Variants in VKORC1L1 observed in about 807,000 individuals in gnomAD.
The protein encoded by VKORC1L1 is vitamin K epoxide reductase complex subunit 1-like protein 1.
VKORC1L1 carries 2 observed loss-of-function variants against 18.9 expected under a neutral mutation model. The observed-to-expected ratio is 0.11, with a 90% CI of 0.04 to 0.33. The LOEUF (loss-of-function observed/expected upper bound fraction) is 0.33, where lower values mean the gene tolerates loss of function less well. VKORC1L1 is among the 10% of genes least tolerant of loss of function. The pLI, the probability that VKORC1L1 is intolerant of heterozygous loss-of-function variation, is 1.00. For missense variants in VKORC1L1, 123 were observed against 224.1 expected, an observed-to-expected ratio of 0.55 and a Z score of 2.88; for synonymous variants, 96 against 100.0, an observed-to-expected ratio of 0.96 and a Z score of 0.24.
rs1369595731 is a variant in VKORC1L1, at chr7:65,956,857, CA to C, written c.*2558del. The C allele has an allele frequency of 1.3e-5, 2 of 152,332 alleles. No homozygotes were observed. The highest frequency in any genetic ancestry group is 2.9e-5 in the Non-Finnish European group (2 of 68,028). The allele number at this position is 152,332 out of a possible 1,614,324, so 9.4% of individuals were successfully genotyped here. A position where few individuals can be genotyped will look rare whatever the true frequency, so the allele number is the denominator to read the frequency against. ...GTGTTAAAGGACAGATGAGGGGAAA[CA>C]TTTGTTTTTAGCAGTAATTCCATGC... On this transcript the variant is annotated 3_prime_UTR_variant, in exon 3 of 3. Transcript: ENST00000360768.
chr7:65,907,509 T>C (rs957560138), intron 1 of VKORC1L1, among the ~76,000 whole-genome samples: 1 of 152,168 alleles, frequency 6.6e-6, no homozygotes, highest in Non-Finnish European at 1.5e-5. Context: ...GGTAGCAATA[T>C]TTCTGACGGC....
intron 1 of VKORC1L1, among the ~76,000 whole-genome samples, chr7:65,918,701 G>A (rs1027030011): frequency 4.6e-5 from 7 of 152,176 alleles, no homozygotes; most frequent in Non-Finnish European, 7.4e-5. Flanking sequence ...TCAAATAAGA[G>A]GTAACTGAGA....
intron 2 of VKORC1L1, among the ~76,000 whole-genome samples, chr7:65,951,453 A>G (rs1332917432): frequency 6.6e-6 from 1 of 152,032 alleles, no homozygotes; most frequent in Non-Finnish European, 1.5e-5. Flanking sequence ...GCACACCTGT[A>G]ATCCCAGCTA....
intron 1 of VKORC1L1, among the ~76,000 whole-genome samples, chr7:65,887,344 A>G (rs192928021): frequency 9.2e-5 from 14 of 152,234 alleles, no homozygotes; most frequent in African/African-American, 3.4e-4. Context: ...CATAACGTTG[A>G]TATTATGTAC....
intron 1 of VKORC1L1, among the ~76,000 whole-genome samples, chr7:65,938,092 C>T (rs964126814): frequency 6.6e-6 from 1 of 151,992 alleles, no homozygotes; most frequent in Non-Finnish European, 1.5e-5. Flanking sequence ...CTGGTAATCC[C>T]AGCTACTTGG....
intron 1 of VKORC1L1, among the ~76,000 whole-genome samples, chr7:65,904,980 C>T (rs1230772441): frequency 6.6e-6 from 1 of 151,644 alleles, no homozygotes; most frequent in East Asian, 1.9e-4. Flanking sequence ...TGTATATATA[C>T]ATGCACGTGT....
chr7:65,930,688 C>G (rs1789843062), intron 1 of VKORC1L1, among the ~76,000 whole-genome samples: 1 of 151,820 alleles, frequency 6.6e-6, no homozygotes, highest in South Asian at 2.1e-4. Context: ...GAGTTTTATT[C>G]CTTCTTTTCT....
intron 1 of VKORC1L1, among the ~76,000 whole-genome samples, chr7:65,900,600 C>A (rs918454649): frequency 6.6e-6 from 1 of 151,968 alleles, no homozygotes; most frequent in Non-Finnish European, 1.5e-5. Context: ...GCCAGGAGTT[C>A]GAGACCAGCC....
intron 1 of VKORC1L1, among the ~76,000 whole-genome samples, chr7:65,895,457 A>G (rs1416254920): frequency 4.3e-5 from 1 of 23,052 alleles, no homozygotes; most frequent in African/African-American, 1.5e-4. Context: ...CTGTGAGAAA[A>G]AAAAAAAAAA....
Position 65,873,401 on chromosome 7 carries a change from G to A in VKORC1L1, c.30G>A (p.Ser10=). Residue 10 remains serine (S), a synonymous_variant, in exon 1 of 3, where the codon TCG becomes TCA. Coordinates refer to ENST00000360768, the MANE Select transcript of VKORC1L1 (RefSeq NM_173517.6). ...CGGCTCCCGTCCTGCTAAGAGTGTC[G>A]GTGCCGCGGTGGGAGCGGGTGGCCC... MAAPVLLRV[S]VPRWERVARY... 1 of 1,575,678 alleles carries A rather than the reference G, an allele frequency of 6.3e-7. No homozygotes were observed.
intron 1 of VKORC1L1, among the ~76,000 whole-genome samples, chr7:65,940,633 A>G (rs1345457030): frequency 6.6e-6 from 1 of 152,186 alleles, no homozygotes; most frequent in Admixed American, 6.5e-5. Flanking sequence ...GGGCTCCAAG[A>G]GAGATGTCTT....
Position 65,873,266 on chromosome 7 carries a change from C to T in VKORC1L1, c.-106C>T, listed in dbSNP as rs909922589. 4,854 of 981,334 alleles carry T rather than the reference C, an allele frequency of 4.9e-3. 66 individuals are homozygous for T. In the East Asian group the frequency reaches 0.077, roughly 16 times the overall value. The allele number at this position is 981,334 out of a possible 1,614,324, so 60.8% of individuals were successfully genotyped here. On this transcript the variant is annotated 5_prime_UTR_variant, in exon 1 of 3. Transcript: ENST00000360768. The stretch of plus-strand genomic sequence containing the variant: ...GCGGCGGCGGCGGCGGTGGTGGCGG[C>T]GGCGGCGGAGGCGGCGGTGGCGGCG...
intron 1 of VKORC1L1, among the ~76,000 whole-genome samples, chr7:65,916,244 A>T (rs1049842692): frequency 2.0e-5 from 3 of 152,032 alleles, no homozygotes; most frequent in Admixed American, 1.3e-4. Flanking sequence ...TTTGAAAATA[A>T]TGAGTTGGTT....
At chr7:65,895,082 C>T (rs1361809880) in intron 1 of VKORC1L1, among the ~76,000 whole-genome samples, 2 of 151,932 alleles carry the variant, frequency 1.3e-5, no homozygotes, top group African/African-American at 4.8e-5. Flanking sequence ...TAGAAAGATC[C>T]TTTTTTACTT....
At chr7:65,900,676 A>T (rs1317440202) in intron 1 of VKORC1L1, among the ~76,000 whole-genome samples, 4 of 151,088 alleles carry the variant, frequency 2.6e-5, no homozygotes, top group African/African-American at 4.9e-5. Flanking sequence ...GTTGTGGCAC[A>T]TGCCTGTAGT....
chr7:65,880,432 A>C (rs1788908526), intron 1 of VKORC1L1, among the ~76,000 whole-genome samples: 1 of 151,974 alleles, frequency 6.6e-6, no homozygotes, highest in Non-Finnish European at 1.5e-5. Context: ...TAACAGATAG[A>C]CGGTGTAGTG....
chr7:65,910,990 A>C (rs1789493155), intron 1 of VKORC1L1, among the ~76,000 whole-genome samples: 1 of 152,160 alleles, frequency 6.6e-6, no homozygotes, highest in African/African-American at 2.4e-5. Flanking sequence ...TTGCTCCATT[A>C]ACCAGTATAT....
intron 1 of VKORC1L1, among the ~76,000 whole-genome samples, chr7:65,878,451 A>C (rs1295474922): frequency 6.8e-6 from 1 of 147,862 alleles, no homozygotes; most frequent in East Asian, 1.9e-4. Context: ...CTGTCTTACA[A>C]AAAAAAAAAA....
chr7:65,934,276 A>G (rs1789905099), intron 1 of VKORC1L1, among the ~76,000 whole-genome samples: 1 of 152,184 alleles, frequency 6.6e-6, no homozygotes, highest in South Asian at 2.1e-4. Context: ...CAATAATTGT[A>G]TATATTTATG....
Sources: gnomAD v4.1 joint callset for allele counts (sites outside exome capture counted in the v4.1 genomes callset) on GRCh38, gnomAD v4.1.1 for gene constraint, MANE v1.5 for transcripts, NCBI Gene and HGNC (gene_info 2026-07-23, HGNC 2026-07-21) for gene names.